ECT2L: variants seen among roughly 807,000 people sequenced by gnomAD.
ECT2L encodes the protein epithelial cell-transforming sequence 2 oncogene-like.
A neutral mutation model predicts 122.8 loss-of-function variants in ECT2L; 126 were observed. The observed-to-expected ratio is 1.03, with a 90% CI of 0.89 to 1.19. ECT2L has a LOEUF of 1.19. Among genes scored for constraint, ECT2L ranks in the 50% most tolerant of loss-of-function variants. The pLI, the probability that ECT2L is intolerant of heterozygous loss-of-function variation, is 0.00. For synonymous variants in ECT2L, 385 were observed against 381.8 expected (o/e 1.01, Z -0.10); for missense variants, 1,012 against 1,064.1 (o/e 0.95, Z 0.68).
intron 19 of ECT2L, 76 bp downstream of exon 19, chr6:138,886,998 A>C: frequency 8.3e-7 from 1 of 1,205,052 alleles, no homozygotes; most frequent in Non-Finnish European, 1.2e-6. Context: ...GGAGACCTAC[A>C]GATCCCAAGG....
At chr6:138,826,973 A>C (rs1776474170) in intron 4 of ECT2L, among the ~76,000 whole-genome samples, 1 of 152,136 alleles carries the variant, frequency 6.6e-6, no homozygotes, top group Non-Finnish European at 1.5e-5. Context: ...AGGCCTCCTG[A>C]GAAAACCAAG....
At position 138,863,911 on chromosome 6, in the gene ECT2L, C is replaced by T. The variant is rs144409957; in HGVS notation, c.1292-1085C>T. 2.1e-3 allele frequency among the ~76,000 whole-genome samples: 307 copies of T among 142,988 alleles called. 1 individual carries two copies. The highest frequency in any genetic ancestry group is 7.4e-3 in the African/African-American group (286 of 38,600). The allele number at this position is 142,988 out of a possible 152,430, so 93.8% of individuals were successfully genotyped here. A position where few individuals can be genotyped will look rare whatever the true frequency, so the allele number is the denominator to read the frequency against. ...ACAGGCGTGAGCCACCGCATCTGGC[C>T]GGGAACAGGTTTTCTTCTTTTTCTC... On this transcript the variant is annotated intron_variant, in intron 11 of 21. Coordinates refer to ENST00000541398, the MANE Select transcript of ECT2L (RefSeq NM_001077706.3).
chr6:138,886,581 G>A (rs932835748), intron 18 of ECT2L, among the ~76,000 whole-genome samples: 1 of 151,392 alleles, frequency 6.6e-6, no homozygotes, highest in Non-Finnish European at 1.5e-5. Context: ...CTCTTTTTTT[G>A]GCTTTTTTAA....
chr6:138,877,148 A>C (rs1367213992), intron 14 of ECT2L, among the ~76,000 whole-genome samples: 1 of 152,142 alleles, frequency 6.6e-6, no homozygotes, highest in African/African-American at 2.4e-5. Context: ...AGAGTTAAGA[A>C]AAGTTACATG....
At position 138,903,895 on chromosome 6, in the gene ECT2L, C is replaced by G. The variant is rs182638255; in HGVS notation, c.*1268C>G. Reference sequence around the variant, plus strand: ...AAATTCTTGTTTACAGTAACAAAGTCTATCGGTGCAGTTTAGGACTGTGAA... The same window carrying G: ...AAATTCTTGTTTACAGTAACAAAGTGTATCGGTGCAGTTTAGGACTGTGAA... On this transcript the variant is annotated 3_prime_UTR_variant, in exon 22 of 22. Coordinates refer to ENST00000541398, the MANE Select transcript of ECT2L (RefSeq NM_001077706.3). 4.6e-5 allele frequency: 7 copies of G among 152,240 alleles called. No individual in the cohort carries two copies. Among genetic ancestry groups the G allele is most frequent in the Admixed American group, 4.6e-4 (7 of 15,292 alleles). 9.4% of individuals were successfully genotyped at this position (152,240 alleles called of 1,614,324 possible).
At chr6:138,835,146 A>T (rs1178035849) in intron 4 of ECT2L, among the ~76,000 whole-genome samples, 1 of 92,888 alleles carries the variant, frequency 1.1e-5, no homozygotes. Flanking sequence ...TTAGCCACTT[A>T]AAAAAAACTT....
intron 3 of ECT2L, among the ~76,000 whole-genome samples, 198 bp downstream of exon 3, chr6:138,813,538 A>T (rs1402059709): frequency 1.3e-5 from 2 of 152,206 alleles, no homozygotes; most frequent in African/African-American, 4.8e-5. Context: ...ACCTTAAGGG[A>T]GGCTCCAGAT....
At chr6:138,850,926 G>A (rs547915001) in intron 9 of ECT2L, among the ~76,000 whole-genome samples, 73 of 138,610 alleles carry the variant, frequency 5.3e-4, no homozygotes, top group Non-Finnish European at 6.7e-4. Flanking sequence ...GCTTGAACCT[G>A]GGAGGCGGAC....
intron 20 of ECT2L, among the ~76,000 whole-genome samples, chr6:138,898,149 A>C (rs1266835983): frequency 6.6e-6 from 1 of 152,140 alleles, no homozygotes; most frequent in African/African-American, 2.4e-5. Context: ...CTCACCACAG[A>C]CTGCCCATCA....
intron 4 of ECT2L, among the ~76,000 whole-genome samples, chr6:138,833,879 C>A (rs560949040): frequency 2.0e-5 from 3 of 152,116 alleles, no homozygotes; most frequent in Non-Finnish European, 4.4e-5. Context: ...CAGACCCTGA[C>A]CAAGCCATAA....
chr6:138,810,901 G>C (rs1775869955), intron 1 of ECT2L, among the ~76,000 whole-genome samples: 2 of 152,142 alleles, frequency 1.3e-5, no homozygotes, highest in Admixed American at 6.5e-5. Flanking sequence ...TTGATGAGAT[G>C]GAACTTTGGG....
intron 1 of ECT2L, among the ~76,000 whole-genome samples, chr6:138,810,211 G>A (rs1038927987): frequency 6.6e-6 from 1 of 152,172 alleles, no homozygotes; most frequent in Non-Finnish European, 1.5e-5. Flanking sequence ...TCAGGGATTT[G>A]CACAGTTGGA....
intron 1 of ECT2L, among the ~76,000 whole-genome samples, chr6:138,801,910 T>C: frequency 6.6e-6 from 1 of 152,190 alleles, no homozygotes; most frequent in East Asian, 1.9e-4. Flanking sequence ...GTATCCCAAT[T>C]ACTTTATAAA....
intron 8 of ECT2L, among the ~76,000 whole-genome samples, chr6:138,846,936 T>G (rs1777242166): frequency 7.9e-6 from 1 of 127,352 alleles, no homozygotes; most frequent in Admixed American, 9.0e-5. Flanking sequence ...CACTCCAGCC[T>G]GGGCAACAGA....
At chr6:138,873,175 T>C (rs1281734673) in intron 13 of ECT2L, among the ~76,000 whole-genome samples, 1 of 152,226 alleles carries the variant, frequency 6.6e-6, no homozygotes, top group Non-Finnish European at 1.5e-5. Flanking sequence ...CTACATTGTC[T>C]GCCTGTAATA....
At chr6:138,827,262 C>T (rs972798638) in intron 4 of ECT2L, among the ~76,000 whole-genome samples, 1 of 151,754 alleles carries the variant, frequency 6.6e-6, no homozygotes, top group Non-Finnish European at 1.5e-5. Context: ...GCAGGAGAAT[C>T]TCTTGAATCT....
At position 138,844,514 on chromosome 6, in the gene ECT2L, G is replaced by T. The variant is rs745540832; in HGVS notation, c.698G>T (p.Arg233Leu). The T allele has an allele frequency of 5.0e-6, 8 of 1,614,178 alleles. No individual in the cohort carries two copies. The South Asian group carries it at 7.7e-5, about 16-fold the overall frequency. Residue 233 changes from arginine (R) to leucine (L), a missense_variant, in exon 7 of 22, where the codon CGA becomes CTA. Coordinates refer to ENST00000541398, the MANE Select transcript of ECT2L (RefSeq NM_001077706.3). ...QPRLSQTVRE[R>L]VGLHEALEKQ... ...CGCCTCTCCCAGACTGTAAGGGAGC[G>T]AGTGGGATTACATGAAGCTTTGGAG...
In ECT2L at chr6:138,859,365, A is replaced by G. The variant is rs140793259; in HGVS notation, c.1199-3262A>G. 5.9e-5 allele frequency among the ~76,000 whole-genome samples: 9 copies of G among 152,334 alleles called. No individual in the cohort carries two copies. In the East Asian group the frequency reaches 1.5e-3, roughly 26 times the overall value. ...TGCTTTTACAAATAAAGCTGCTATG[A>G]ACTTATGCTTTCATTTCTCTTGGAT... is the stretch of plus-strand genomic sequence containing the variant. On this transcript the variant is annotated intron_variant, in intron 10 of 21. Coordinates refer to ENST00000541398, the MANE Select transcript of ECT2L (RefSeq NM_001077706.3).
chr6:138,862,819 T>C (rs1777885227), intron 11 of ECT2L, 100 bp downstream of exon 11: 4 of 895,122 alleles, frequency 4.5e-6, no homozygotes, highest in Non-Finnish European at 7.0e-6. Flanking sequence ...ATGGCTGATA[T>C]CCATTACTCT....
Sources: gnomAD v4.1 joint callset for allele counts (sites outside exome capture counted in the v4.1 genomes callset) on GRCh38, gnomAD v4.1.1 for gene constraint, MANE v1.5 for transcripts, NCBI Gene and HGNC (gene_info 2026-07-23, HGNC 2026-07-21) for gene names.